The following DMXL2 variants were observed in gnomAD, a reference collection of about 807,000 sequenced individuals.
DMXL2 encodes Dmx like 2.
A neutral mutation model predicts 331.1 loss-of-function variants in DMXL2; 103 were observed. The observed-to-expected ratio is 0.31, with a 90% CI of 0.27 to 0.37. DMXL2 has a LOEUF of 0.37. DMXL2 is among the 10% of genes least tolerant of loss of function. DMXL2 has a pLI of 1.00. For synonymous variants in DMXL2, 1,281 were observed against 1,252.1 expected, an observed-to-expected ratio of 1.02 and a Z score of -0.49; for missense variants, 3,171 against 3,642.9, an observed-to-expected ratio of 0.87 and a Z score of 3.33.
At chr15:51,476,937 A>G (rs1442259783) in intron 26 of DMXL2, among the ~76,000 whole-genome samples, 4 of 152,126 alleles carry the variant, frequency 2.6e-5, no homozygotes, top group Admixed American at 2.6e-4. Context: ...TGTTGGGCAG[A>G]TGACACTTAT....
chr15:51,474,625 T>A, intron 27 of DMXL2, 33 bp from the exon 28 acceptor site: 2 of 1,539,512 alleles, frequency 1.3e-6, no homozygotes, highest in Non-Finnish European at 1.8e-6. Flanking sequence ...AAGACGTATG[T>A]CAGGATGAAG....
intron 13 of DMXL2, 66 bp downstream of exon 13, chr15:51,535,597 T>C (rs2048244213): frequency 4.1e-6 from 6 of 1,465,190 alleles, no homozygotes; most frequent in Admixed American, 4.3e-5. Context: ...ACACAGGTCC[T>C]AGACAAAGTC....
At chr15:51,467,008 G>T (rs1860531716) in intron 29 of DMXL2, among the ~76,000 whole-genome samples, 1 of 151,786 alleles carries the variant, frequency 6.6e-6, no homozygotes, top group African/African-American at 2.4e-5. Context: ...TCTGACAAAG[G>T]TAACATCTTA....
At chr15:51,604,295 C>A (rs1595718715) in intron 1 of DMXL2, among the ~76,000 whole-genome samples, 2 of 120,366 alleles carry the variant, frequency 1.7e-5, no homozygotes, top group Non-Finnish European at 3.5e-5. Flanking sequence ...CCTAGTACTG[C>A]AATAAGGAAA....
intron 7 of DMXL2, among the ~76,000 whole-genome samples, chr15:51,546,351 G>C (rs1420473781): frequency 1.3e-5 from 2 of 152,038 alleles, no homozygotes; most frequent in Admixed American, 6.6e-5. Flanking sequence ...TGCTCACACA[G>C]AATCTAAGTC....
intron 13 of DMXL2, among the ~76,000 whole-genome samples, chr15:51,524,703 C>T (rs546740371): frequency 6.7e-4 from 102 of 152,238 alleles, no homozygotes; most frequent in African/African-American, 2.4e-3. Context: ...ATGGAGGGAG[C>T]CCTACCCAGA....
At chr15:51,600,815 G>A (rs896793639) in intron 1 of DMXL2, among the ~76,000 whole-genome samples, 6 of 152,014 alleles carry the variant, frequency 3.9e-5, no homozygotes, top group Admixed American at 3.9e-4. Flanking sequence ...TTAAGCATTA[G>A]GACATCTACC....
chr15:51,483,063 T>A (rs574974192), intron 23 of DMXL2, among the ~76,000 whole-genome samples: 1 of 152,202 alleles, frequency 6.6e-6, no homozygotes, highest in African/African-American at 2.4e-5. Flanking sequence ...GGGGAAAAGG[T>A]AAACAGAAGA....
intron 39 of DMXL2, 21 bp from the exon 40 acceptor site, chr15:51,455,249 C>G: frequency 6.3e-7 from 1 of 1,594,062 alleles, no homozygotes; most frequent in Non-Finnish European, 8.6e-7. Context: ...AGTATAACTA[C>G]TAAACACATG....
chr15:51,578,743 T>C (rs1318655283), intron 1 of DMXL2, among the ~76,000 whole-genome samples: 3 of 152,148 alleles, frequency 2.0e-5, no homozygotes, highest in African/African-American at 7.2e-5. Flanking sequence ...CTAAATATAA[T>C]CATACCACTC....
At chr15:51,606,487 G>A (rs926541885) in intron 1 of DMXL2, among the ~76,000 whole-genome samples, 2 of 152,140 alleles carry the variant, frequency 1.3e-5, no homozygotes, top group South Asian at 2.1e-4. Flanking sequence ...GAGCCATGGC[G>A]CCCGGCCACT....
chr15:51,558,773 G>C (rs369905036), intron 6 of DMXL2, among the ~76,000 whole-genome samples: 15 of 152,178 alleles, frequency 9.9e-5, no homozygotes, highest in Admixed American at 8.5e-4. Context: ...CTTAGAAAGT[G>C]AGATACTGAA....
chr15:51,557,966 C>G (rs929432188), intron 6 of DMXL2, among the ~76,000 whole-genome samples: 3 of 152,148 alleles, frequency 2.0e-5, no homozygotes, highest in Non-Finnish European at 2.9e-5. Flanking sequence ...ACCCAAAGGT[C>G]CTGTGGATAG....
intron 13 of DMXL2, among the ~76,000 whole-genome samples, chr15:51,528,176 G>A (rs2047788043): frequency 6.6e-6 from 1 of 151,980 alleles, no homozygotes. Context: ...AATAAAGAAG[G>A]AAGACCACAA....
intron 6 of DMXL2, among the ~76,000 whole-genome samples, chr15:51,554,867 A>AG (rs2049452963): frequency 6.6e-6 from 1 of 152,196 alleles, no homozygotes; most frequent in Non-Finnish European, 1.5e-5. Context: ...TTTTAAAAAG[A>AG]TCACTCCAGG....
chr15:51,516,219 T>C lies in DMXL2; in HGVS notation c.2526+859A>G, dbSNP rs370496485. The stretch of plus-strand genomic sequence containing the variant: ...TGGAATAAATGTTAGTTCTATCCCT[T>C]AGACCATAAACATAGTCCTAAAGAA... On this transcript the variant is annotated intron_variant, in intron 14 of 43. Coordinates refer to ENST00000560891, the MANE Select transcript of DMXL2 (RefSeq NM_001378457.1). 3.7e-4 allele frequency among the ~76,000 whole-genome samples: 56 copies of C among 152,320 alleles called. 2 individuals carry two copies. The South Asian group carries it at 8.3e-3, about 23-fold the overall frequency.
rs200113262 is a variant in DMXL2, at chr15:51,537,628, G to A, written c.1477C>T (p.Arg493Trp). 195 of 1,613,616 alleles carry A rather than the reference G, an allele frequency of 1.2e-4. No individual in the cohort carries two copies. The highest frequency in any genetic ancestry group is 8.3e-5 in the Non-Finnish European group (98 of 1,179,866). Residue 493 changes from arginine (R) to tryptophan (W), a missense_variant, in exon 11 of 44, where the codon CGG becomes TGG. Physicochemically the swap from Arg to Trp is moderately radical, Grantham distance 101. Transcript: ENST00000560891. ...PMPLPTVLLDRKIETLLTEWN... is the reference protein window; with the variant it reads ...PMPLPTVLLDWKIETLLTEWN... The stretch of plus-strand genomic sequence containing the variant: ...TCAGTTAGCAGCGTTTCAATCTTCC[G>A]ATCAAGCAGAACCGTAGGCAGTGGC...
chr15:51,509,137 C>A (rs1335778993), intron 15 of DMXL2, among the ~76,000 whole-genome samples: 3 of 151,290 alleles, frequency 2.0e-5, no homozygotes, highest in Admixed American at 6.6e-5. Context: ...ACAGGCAATA[C>A]AGTAGACAAG....
chr15:51,498,184 GACCCA>G (rs2043319715), intron 18 of DMXL2, among the ~76,000 whole-genome samples: 1 of 152,116 alleles, frequency 6.6e-6, no homozygotes, highest in Non-Finnish European at 1.5e-5. Flanking sequence ...AGGCTACAGT[GACCCA>G]TGACTGCACC....
Sources: gnomAD v4.1 joint callset for allele counts (sites outside exome capture counted in the v4.1 genomes callset) on GRCh38, gnomAD v4.1.1 for gene constraint, MANE v1.5 for transcripts, NCBI Gene and HGNC (gene_info 2026-07-23, HGNC 2026-07-21) for gene names.